CCDC102B: variants seen among roughly 807,000 people sequenced by gnomAD.
The protein encoded by CCDC102B is coiled-coil domain-containing protein 102B.
CCDC102B carries 75 observed loss-of-function variants against 57.4 expected under a neutral mutation model. That is an observed-to-expected ratio of 1.31 (90% CI 1.08 to 1.58). CCDC102B has a LOEUF of 1.58. Among genes scored for constraint, CCDC102B ranks in the 40% most tolerant of loss-of-function variants. The probability of loss-of-function intolerance (pLI) is 0.00; values close to 1 mark genes in which losing one functional copy is unlikely to be tolerated. For synonymous variants in CCDC102B, 206 were observed against 201.9 expected (o/e 1.02, Z -0.17); for missense variants, 636 against 582.6 (o/e 1.09, Z -0.94).
chr18:68,948,293 T>G (rs879503682), intron 6 of CCDC102B, among the ~76,000 whole-genome samples: 1 of 152,122 alleles, frequency 6.6e-6, no homozygotes, highest in Non-Finnish European at 1.5e-5. Flanking sequence ...TTCTTTTAGA[T>G]ATAGCATACC....
chr18:68,966,687 G>A (rs1212445097), intron 6 of CCDC102B, among the ~76,000 whole-genome samples: 2 of 152,096 alleles, frequency 1.3e-5, no homozygotes, highest in Non-Finnish European at 2.9e-5. Context: ...GTGTTGGGGG[G>A]CAGGAAGTAG....
intron 4 of CCDC102B, among the ~76,000 whole-genome samples, chr18:68,846,964 A>T (rs1197822649): frequency 6.6e-6 from 1 of 151,728 alleles, no homozygotes; most frequent in Non-Finnish European, 1.5e-5. Flanking sequence ...TTGCATTTTC[A>T]TCAATAAAAT....
chr18:68,978,282 A>C (rs932733714), intron 6 of CCDC102B, among the ~76,000 whole-genome samples: 2 of 151,936 alleles, frequency 1.3e-5, no homozygotes, highest in African/African-American at 4.8e-5. Context: ...CCCTCTTTAT[A>C]TTGTCTAGAG....
intron 7 of CCDC102B, among the ~76,000 whole-genome samples, chr18:69,042,117 G>A (rs938251536): frequency 1.1e-4 from 16 of 151,960 alleles, no homozygotes; most frequent in African/African-American, 2.2e-4. Flanking sequence ...AAATAAGGGT[G>A]GAACGAATGA....
chr18:68,907,263 A>G (rs1198544036), intron 6 of CCDC102B, among the ~76,000 whole-genome samples: 1 of 151,560 alleles, frequency 6.6e-6, no homozygotes, highest in African/African-American at 2.4e-5. Flanking sequence ...CTCTTTTTCA[A>G]TTTCATTTTG....
chr18:68,943,744 G>T (rs144768525), intron 6 of CCDC102B, among the ~76,000 whole-genome samples: 2 of 152,094 alleles, frequency 1.3e-5, no homozygotes, highest in Non-Finnish European at 2.9e-5. Context: ...TATTTAAGCC[G>T]GCGGCCAAAG....
chr18:68,723,680 G>C (rs1032242445), intron 2 of CCDC102B, among the ~76,000 whole-genome samples: 1 of 152,172 alleles, frequency 6.6e-6, no homozygotes, highest in Non-Finnish European at 1.5e-5. Flanking sequence ...GCAAGATGTG[G>C]AGCAGCTTGG....
At chr18:68,886,029 A>G (rs1431834029) in intron 5 of CCDC102B, among the ~76,000 whole-genome samples, 3 of 151,984 alleles carry the variant, frequency 2.0e-5, no homozygotes, top group Non-Finnish European at 4.4e-5. Flanking sequence ...CAATTATAGT[A>G]TACTACATTG....
intron 2 of CCDC102B, among the ~76,000 whole-genome samples, chr18:68,788,921 C>T (rs1404172259): frequency 6.6e-6 from 1 of 151,872 alleles, no homozygotes; most frequent in Admixed American, 6.6e-5. Context: ...TTTCTTCCTA[C>T]TCTGGATGGT....
At chr18:68,765,508 A>G (rs186000701) in intron 2 of CCDC102B, among the ~76,000 whole-genome samples, 2 of 152,000 alleles carry the variant, frequency 1.3e-5, no homozygotes, top group East Asian at 1.9e-4. Context: ...AGAAAGCAAG[A>G]AAGAAAGAGA....
At chr18:69,019,316 A>G (rs1417706408) in intron 7 of CCDC102B, among the ~76,000 whole-genome samples, 2 of 152,070 alleles carry the variant, frequency 1.3e-5, no homozygotes, top group Non-Finnish European at 2.9e-5. Context: ...ATATTTAAAC[A>G]ATATTAATTC....
intron 7 of CCDC102B, among the ~76,000 whole-genome samples, chr18:69,029,767 A>T (rs937667216): frequency 6.6e-6 from 1 of 152,204 alleles, no homozygotes; most frequent in African/African-American, 2.4e-5. Context: ...TTCCAGGAAC[A>T]CAAATCACAG....
At chr18:68,971,082 G>A (rs1446807480) in intron 6 of CCDC102B, among the ~76,000 whole-genome samples, 1 of 151,952 alleles carries the variant, frequency 6.6e-6, no homozygotes, top group Non-Finnish European at 1.5e-5. Flanking sequence ...CGAGAACAGT[G>A]TCTTTAAGAA....
At chr18:69,009,107 A>G (rs1023243301) in intron 6 of CCDC102B, among the ~76,000 whole-genome samples, 14 of 152,130 alleles carry the variant, frequency 9.2e-5, no homozygotes, top group African/African-American at 3.4e-4. Context: ...CTTTATGTGC[A>G]TTTTTAATTA....
intron 5 of CCDC102B, among the ~76,000 whole-genome samples, chr18:68,892,784 G>T (rs1453348224): frequency 1.3e-5 from 2 of 152,112 alleles, no homozygotes; most frequent in African/African-American, 2.4e-5. Context: ...TGTAATTTAA[G>T]ACTGAAAGAT....
At chr18:69,056,327 GA>G (rs747298225), downstream of CCDC102B, among the ~76,000 whole-genome samples, 1 of 151,986 alleles carries the variant, frequency 6.6e-6, no homozygotes, top group Non-Finnish European at 1.5e-5. Flanking sequence ...AAAACTTAAT[GA>G]AAACAACAAT....
chr18:68,777,343 A>G (rs186973632), intron 2 of CCDC102B, among the ~76,000 whole-genome samples: 1 of 152,236 alleles, frequency 6.6e-6, no homozygotes, highest in East Asian at 1.9e-4. Flanking sequence ...GTGCTGTTGG[A>G]GTCCCACATT....
chr18:68,864,695 A>G (rs2038900729), intron 4 of CCDC102B, among the ~76,000 whole-genome samples: 1 of 152,058 alleles, frequency 6.6e-6, no homozygotes, highest in African/African-American at 2.4e-5. Flanking sequence ...GTCCTTAAAA[A>G]GATCATATAT....
At chr18:68,775,728 A>G (rs1158343247) in intron 2 of CCDC102B, among the ~76,000 whole-genome samples, 1 of 139,882 alleles carries the variant, frequency 7.1e-6, no homozygotes, top group African/African-American at 2.7e-5. Context: ...ACCTCGGCTC[A>G]CTGCAACCTC....
Sources: allele counts gnomAD v4.1 joint callset (sites outside exome capture counted in the v4.1 genomes callset), GRCh38; gene constraint gnomAD v4.1.1; transcripts MANE v1.5; gene names NCBI Gene and HGNC (gene_info 2026-07-23, HGNC 2026-07-21).